The following CLASP1 variants were observed in gnomAD, a reference collection of about 807,000 sequenced individuals.
CLASP1 encodes cytoplasmic linker associated protein 1.
Under a neutral mutation model 192.3 loss-of-function variants are expected in CLASP1, and 38 were observed. The ratio of observed to expected loss-of-function variants is 0.20; its 90% CI spans 0.15 to 0.26. The LOEUF is 0.26. Among genes scored for constraint, CLASP1 ranks in the 10% least tolerant of loss-of-function variants. The probability of loss-of-function intolerance (pLI) is 1.00; values close to 1 mark genes in which losing one functional copy is unlikely to be tolerated. For missense variants in CLASP1, 1,433 were observed against 1,932.5 expected (o/e 0.74, Z 4.85); for synonymous variants, 691 against 712.8 (o/e 0.97, Z 0.49).
chr2:121,375,454 C>A (rs758620751), intron 34 of CLASP1, among the ~76,000 whole-genome samples: 13 of 149,412 alleles, frequency 8.7e-5, no homozygotes, highest in Non-Finnish European at 1.3e-4. Context: ...ACTTCTGCAT[C>A]CCAGGTTCAG....
intron 2 of CLASP1, chr2:121,531,124 G>T: frequency 4.8e-6 from 3 of 626,058 alleles, no homozygotes; most frequent in Non-Finnish European, 8.8e-6. Flanking sequence ...AGTGTCGCAA[G>T]TAAAGTTCTT....
chr2:121,364,078 A>C (rs916626655), intron 36 of CLASP1: 4 of 152,356 alleles, frequency 2.6e-5, no homozygotes, highest in Non-Finnish European at 5.9e-5. Context: ...GTATTTTTAA[A>C]AAGTTTTTTT....
At chr2:121,540,050 T>G (rs919034309) in intron 2 of CLASP1, among the ~76,000 whole-genome samples, 2 of 152,230 alleles carry the variant, frequency 1.3e-5, no homozygotes, top group African/African-American at 4.8e-5. Flanking sequence ...CATATTGGCA[T>G]TAGCTAACAA....
At chr2:121,603,104 T>C (rs765714818) in intron 2 of CLASP1, 7 of 151,798 alleles carry the variant, frequency 4.6e-5, no homozygotes, top group Non-Finnish European at 8.8e-5. Flanking sequence ...AGTGGGGAGT[T>C]GTATACCAAC....
intron 9 of CLASP1, among the ~76,000 whole-genome samples, chr2:121,467,445 T>C (rs2089845222): frequency 6.6e-6 from 1 of 152,180 alleles, no homozygotes; most frequent in South Asian, 2.1e-4. Context: ...AAGCACTCCT[T>C]TTTCTCCACA....
chr2:121,493,283 G>GA (rs1182293013), intron 8 of CLASP1, among the ~76,000 whole-genome samples: 2 of 151,596 alleles, frequency 1.3e-5, no homozygotes, highest in East Asian at 1.9e-4. Context: ...CATGGTACTG[G>GA]AAAAAAAACA....
rs185913766 is a variant in CLASP1, at chr2:121,609,807, G to A, written c.-285-3627C>T. Among the ~76,000 whole-genome samples, 189 of 152,308 alleles carry A rather than the reference G, an allele frequency of 1.2e-3. 1 individual carries two copies. The highest frequency in any genetic ancestry group is 4.4e-3 in the African/African-American group (184 of 41,572). ...AATACAAAAATTAGCTGGTCATGGT[G>A]GCACGTGCCTGTAATCCCAGCTACG... On this transcript the variant is annotated intron_variant, in intron 1 of 39. Transcript: ENST00000263710.
At chr2:121,644,911 C>T (rs1395131652) in intron 1 of CLASP1, among the ~76,000 whole-genome samples, 1 of 150,078 alleles carries the variant, frequency 6.7e-6, no homozygotes, top group Non-Finnish European at 1.5e-5. Flanking sequence ...TGAGCCATGA[C>T]CATGCCACTG....
At chr2:121,555,210 G>A (rs552944561) in intron 2 of CLASP1, among the ~76,000 whole-genome samples, 24 of 152,154 alleles carry the variant, frequency 1.6e-4, no homozygotes, top group Non-Finnish European at 2.8e-4. Context: ...CTGTGCTCTC[G>A]CATGCTCCCG....
At chr2:121,558,041 C>T (rs1185442217) in intron 2 of CLASP1, among the ~76,000 whole-genome samples, 2 of 148,734 alleles carry the variant, frequency 1.3e-5, no homozygotes, top group African/African-American at 4.9e-5. Flanking sequence ...GATTGCACCA[C>T]TGCACTCCAG....
Position 121,350,824 on chromosome 2 carries a change from C to T in CLASP1, c.4207-2106G>A, listed in dbSNP as rs1450864442. On this transcript the variant is annotated intron_variant, in intron 37 of 39. Coordinates refer to ENST00000263710, the Ensembl canonical transcript of CLASP1. ...GAAGAAAGTGCATCAAGGGTTAACG[C>T]TCTTTCTCTCAGGGCGGTAAGATAA... Among the ~76,000 whole-genome samples the T allele has an allele frequency of 2.6e-5, 4 of 152,350 alleles. No homozygotes were observed. In the South Asian group the frequency reaches 8.3e-4, roughly 32 times the overall value.
chr2:121,338,864 A>G (rs1386706362), exon 40 of CLASP1: 1 of 152,518 alleles, frequency 6.6e-6, no homozygotes, highest in Non-Finnish European at 1.5e-5. Context: ...AAAGAAACTC[A>G]TGGATAACCT....
At chr2:121,410,558 GA>G (rs2077551645) in intron 24 of CLASP1, among the ~76,000 whole-genome samples, 1 of 151,794 alleles carries the variant, frequency 6.6e-6, no homozygotes, top group South Asian at 2.1e-4. Context: ...TGGTTAAAAA[GA>G]AAAAAAGAAG....
At chr2:121,531,009 T>A (rs942363087) in intron 2 of CLASP1, 2 of 700,158 alleles carry the variant, frequency 2.9e-6, no homozygotes, top group South Asian at 1.5e-5. Flanking sequence ...TTTGGAAAAA[T>A]GAAAACCTGT....
chr2:121,407,819 A>G (rs1279961597), intron 24 of CLASP1, 104 bp from the exon 26 acceptor site: 2 of 1,273,810 alleles, frequency 1.6e-6, no homozygotes, highest in Middle Eastern at 1.9e-4. Flanking sequence ...TTAAGTGTAA[A>G]AAGACACATG....
chr2:121,620,786 A>G (rs2067210811), intron 1 of CLASP1, among the ~76,000 whole-genome samples: 1 of 152,324 alleles, frequency 6.6e-6, no homozygotes, highest in South Asian at 2.1e-4. Context: ...TATATTTTGG[A>G]TAAAAGTCCT....
At chr2:121,402,731 C>T (rs758711051) in intron 26 of CLASP1, 2 of 493,840 alleles carry the variant, frequency 4.0e-6, no homozygotes, top group South Asian at 1.5e-5. Context: ...CGTTATAAAT[C>T]TTAAGAATCT....
chr2:121,615,761 G>A (rs1172255860), intron 1 of CLASP1, among the ~76,000 whole-genome samples: 2 of 151,948 alleles, frequency 1.3e-5, no homozygotes, highest in East Asian at 3.9e-4. Flanking sequence ...TCCAGCCTGG[G>A]TGACAAAGCA....
chr2:121,500,400 A>AAAGAAAG (rs1559450292), intron 8 of CLASP1, among the ~76,000 whole-genome samples: 78 of 135,596 alleles, frequency 5.8e-4, no homozygotes, highest in African/African-American at 2.0e-3. Flanking sequence ...AAGAAAGAAA[A>AAAGAAAG]GAAAGAAAGA....
Sources: gnomAD v4.1 joint callset for allele counts (sites outside exome capture counted in the v4.1 genomes callset) on GRCh38, gnomAD v4.1.1 for gene constraint, MANE v1.5 for transcripts, NCBI Gene and HGNC (gene_info 2026-07-23, HGNC 2026-07-21) for gene names.